The following CA12 variants were observed in gnomAD, a reference collection of about 807,000 sequenced individuals.
CA12 encodes the protein carbonic anhydrase 12, also known as carbonate dehydratase XII.
In CA12, 36 loss-of-function variants were observed where a neutral mutation model predicts 46.8. The ratio of observed to expected loss-of-function variants is 0.77; its 90% CI spans 0.59 to 1.02. The LOEUF is 1.02. CA12 is among the 50% of genes least tolerant of loss of function. The pLI is 0.00. For missense variants in CA12, 436 were observed against 451.4 expected, an observed-to-expected ratio of 0.97 and a Z score of 0.31; for synonymous variants, 202 against 187.0, an observed-to-expected ratio of 1.08 and a Z score of -0.65.
At chr15:63,361,014 G>C (rs2039355413) in intron 2 of CA12, among the ~76,000 whole-genome samples, 1 of 152,198 alleles carries the variant, frequency 6.6e-6, no homozygotes, top group Non-Finnish European at 1.5e-5. Flanking sequence ...CCTGACACTT[G>C]AGGTGGCATC....
rs980582662 is a variant in CA12, at chr15:63,378,068, G to T, written c.86-2390C>A. On this transcript the variant is annotated intron_variant, in intron 1 of 10. Transcript: ENST00000178638. The surrounding 1 kb of genome is among the most constrained non-coding windows in gnomAD (Gnocchi z 4.8). ...CCAGACCCCCTGGAGTATCCGATGA[G>T]TATTATGGACCTCTCCCAGTAAAAA... Among the ~76,000 whole-genome samples, 1 of 152,212 alleles carries T rather than the reference G, an allele frequency of 6.6e-6. No homozygotes were observed. The highest frequency in any genetic ancestry group is 6.5e-5 in the Admixed American group (1 of 15,274).
chr15:63,351,028 A>T (rs2039222661), intron 2 of CA12, among the ~76,000 whole-genome samples: 1 of 152,260 alleles, frequency 6.6e-6, no homozygotes, highest in African/African-American at 2.4e-5. Flanking sequence ...TCCAATTAGA[A>T]TTCAAATTTT....
intron 2 of CA12, among the ~76,000 whole-genome samples, chr15:63,364,643 T>C (rs918958099): frequency 1.1e-4 from 17 of 152,200 alleles, no homozygotes; most frequent in African/African-American, 4.1e-4. Context: ...TCATATGATA[T>C]CTGCTCACTG....
In CA12 at chr15:63,334,294, C is replaced by T. The variant is rs944878538; in HGVS notation, c.874+4525G>A. On this transcript the variant is annotated intron_variant, in intron 8 of 10. Coordinates refer to ENST00000178638, the MANE Select transcript of CA12 (RefSeq NM_001218.5). ...TTTTTCAGATGGAGTATCACTCTGT[C>T]GCCCAGGCTGGAGTGCACTGGTGCA... 4.2e-5 allele frequency among the ~76,000 whole-genome samples: 5 copies of T among 118,402 alleles called. 1 individual carries two copies. The East Asian group carries it at 9.2e-4, about 22-fold the overall frequency. The allele number at this position is 118,402 out of a possible 152,430, so 77.7% of individuals were successfully genotyped here.
In CA12 at chr15:63,322,256, G is replaced by A. The variant is rs887864572; in HGVS notation, c.*4029C>T. On this transcript the variant is annotated 3_prime_UTR_variant, in exon 11 of 11. Coordinates refer to ENST00000178638, the MANE Select transcript of CA12 (RefSeq NM_001218.5). This position sits in a 1 kb window ranked among gnomAD's most constrained non-coding sequence, Gnocchi z 4.1. Reference sequence around the variant, plus strand: ...ACAAGGAAAATCTAGCATCTGAATCGAGTGTGCTGTCAGTGTAAAACACAC... The same window carrying A: ...ACAAGGAAAATCTAGCATCTGAATCAAGTGTGCTGTCAGTGTAAAACACAC... 1.3e-5 allele frequency: 2 copies of A among 151,968 alleles called. No individual in the cohort carries two copies. The highest frequency in any genetic ancestry group is 4.8e-5 in the African/African-American group (2 of 41,360). The allele number at this position is 151,968 out of a possible 1,614,324, so 9.4% of individuals were successfully genotyped here.
intron 10 of CA12, 37 bp from the exon 11 acceptor site, chr15:63,326,394 G>C: frequency 6.5e-7 from 1 of 1,544,900 alleles, no homozygotes; most frequent in Non-Finnish European, 8.9e-7. Flanking sequence ...TGTTAGAGAG[G>C]AGAGCGAGCG....
At position 63,381,828 on chromosome 15, in the gene CA12, G is replaced by A; in HGVS notation, c.-108C>T. The A allele has an allele frequency of 3.0e-6, 2 of 668,848 alleles. No homozygotes were observed. The highest frequency in any genetic ancestry group is 2.7e-5 in the South Asian group (1 of 36,912). The allele number at this position is 668,848 out of a possible 1,614,324, so 41.4% of individuals were successfully genotyped here. ...GCGTGCGCGCAGCCTGGGTGCCGTG[G>A]CGAGTACGTCCGCCCTTCGCTCTCC... is the stretch of plus-strand genomic sequence containing the variant. On this transcript the variant is annotated 5_prime_UTR_variant, in exon 1 of 11. Transcript: ENST00000178638.
intron 2 of CA12, 28 bp downstream of exon 2, chr15:63,375,630 C>CA: frequency 7.0e-7 from 1 of 1,437,916 alleles, no homozygotes; most frequent in South Asian, 1.2e-5. Flanking sequence ...TTCTTTTCAA[C>CA]AAAAAAGTAT....
chr15:63,351,698 A>G (rs1374666871), intron 2 of CA12, among the ~76,000 whole-genome samples: 1 of 152,154 alleles, frequency 6.6e-6, no homozygotes, highest in Non-Finnish European at 1.5e-5. Context: ...AGTCCAGCTC[A>G]GGTCCTGCCA....
In CA12 at chr15:63,322,926, G is replaced by C. The variant is rs931509041; in HGVS notation, c.*3359C>G. 1 of 152,238 alleles carries C rather than the reference G, an allele frequency of 6.6e-6. No individual in the cohort carries two copies. The highest frequency in any genetic ancestry group is 6.5e-5 in the Admixed American group (1 of 15,290). The allele number at this position is 152,238 out of a possible 1,614,324, so 9.4% of individuals were successfully genotyped here. ...CTCTCTCAGGCTTAGGGTGATTATAGTGAAAATTGGATGCTTTTCTAAATA... is the reference window on the plus strand; with the variant it reads ...CTCTCTCAGGCTTAGGGTGATTATACTGAAAATTGGATGCTTTTCTAAATA... On this transcript the variant is annotated 3_prime_UTR_variant, in exon 11 of 11. Coordinates refer to ENST00000178638, the MANE Select transcript of CA12 (RefSeq NM_001218.5). This position sits in a 1 kb window ranked among gnomAD's most constrained non-coding sequence, Gnocchi z 4.1.
At chr15:63,343,927 A>T (rs771498170) in intron 4 of CA12, among the ~76,000 whole-genome samples, 2 of 152,012 alleles carry the variant, frequency 1.3e-5, no homozygotes, top group Non-Finnish European at 2.9e-5. Flanking sequence ...AAAGCAACAC[A>T]CCTCACATTT....
At chr15:63,362,819 A>C (rs868594600) in intron 2 of CA12, among the ~76,000 whole-genome samples, 1 of 152,172 alleles carries the variant, frequency 6.6e-6, no homozygotes, top group Non-Finnish European at 1.5e-5. Context: ...TTGCTTTTTC[A>C]TAGTTCTTCT....
intron 2 of CA12, among the ~76,000 whole-genome samples, chr15:63,368,414 C>T (rs1400169202): frequency 1.3e-5 from 2 of 152,196 alleles, no homozygotes; most frequent in Admixed American, 1.3e-4. Context: ...GGCCCCTGCT[C>T]CTTCTAAGAC....
rs950059171 is a variant in CA12 at position 63,328,971 on chromosome 15, G to T, written c.875-841C>A. Among the ~76,000 whole-genome samples, 1 of 152,256 alleles carries T rather than the reference G, an allele frequency of 6.6e-6. No individual in the cohort carries two copies. Among genetic ancestry groups the T allele is most frequent in the Non-Finnish European group, 1.5e-5 (1 of 68,050 alleles). On this transcript the variant is annotated intron_variant, in intron 8 of 10. Coordinates refer to ENST00000178638, the MANE Select transcript of CA12 (RefSeq NM_001218.5). This position sits in a 1 kb window ranked among gnomAD's most constrained non-coding sequence, Gnocchi z 5.9. ...CTGCCTCGGCCTCCCAAACTATGGGGATTACAGGTGTGAGCCACGGCGCCC... is the reference window on the plus strand; with the variant it reads ...CTGCCTCGGCCTCCCAAACTATGGGTATTACAGGTGTGAGCCACGGCGCCC...
chr15:63,350,828 T>C (rs2039219975), intron 2 of CA12, among the ~76,000 whole-genome samples: 2 of 152,112 alleles, frequency 1.3e-5, no homozygotes, highest in Non-Finnish European at 1.5e-5. Flanking sequence ...CAGTTTACAA[T>C]TCAGAAACAG....
intron 2 of CA12, among the ~76,000 whole-genome samples, chr15:63,352,830 A>G (rs2152620524): frequency 6.6e-6 from 1 of 152,338 alleles, no homozygotes; most frequent in Non-Finnish European, 1.5e-5. Context: ...AATGAAAGGC[A>G]TGTGTATCTA....
chr15:63,341,776 C>G lies in CA12; in HGVS notation c.525+226G>C, dbSNP rs1042191476. Reference sequence around the variant, plus strand: ...GGCTAGATGTTGGGGCCCGTTTTTCCAACGGACCAAAGAACATTCCCCATT... The same window carrying G: ...GGCTAGATGTTGGGGCCCGTTTTTCGAACGGACCAAAGAACATTCCCCATT... On this transcript the variant is annotated intron_variant, in intron 5 of 10. Coordinates refer to ENST00000178638, the MANE Select transcript of CA12 (RefSeq NM_001218.5). This position sits in a 1 kb window ranked among gnomAD's most constrained non-coding sequence, Gnocchi z 5.2. Among the ~76,000 whole-genome samples the G allele has an allele frequency of 6.6e-6, 1 of 152,190 alleles. No homozygotes were observed. Among genetic ancestry groups the G allele is most frequent in the African/African-American group, 2.4e-5 (1 of 41,456 alleles).
Position 63,345,497 on chromosome 15 carries a change from C to A in CA12, c.409G>T (p.Gly137Ter), listed in dbSNP as rs201238727. 8 of 1,610,012 alleles carry A rather than the reference C, an allele frequency of 5.0e-6. No individual in the cohort carries two copies. The highest frequency in any genetic ancestry group is 6.8e-6 in the Non-Finnish European group (8 of 1,179,986). ...CTTACCTCGGCGGCGAAGTGCTGTCCGCTGACGGTGTGCTCAGAGCCGTGC... is the reference window on the plus strand; with the variant it reads ...CTTACCTCGGCGGCGAAGTGCTGTCAGCTGACGGTGTGCTCAGAGCCGTGC... ...DPHGSEHTVS[G>*]QHFAAELHIV... The change falls in exon 4 of 11, where the codon GGA (glycine) becomes TGA (stop). Residue 137 changes from glycine to a stop codon, truncating the protein, a stop_gained. Transcript: ENST00000178638. LOFTEE classifies it high-confidence loss of function. The surrounding 1 kb of genome is among the most constrained non-coding windows in gnomAD (Gnocchi z 4.3).
intron 3 of CA12, 72 bp downstream of exon 3, chr15:63,346,458 T>C (rs2152618337): frequency 3.4e-5 from 38 of 1,123,746 alleles, no homozygotes; most frequent in Middle Eastern, 4.9e-4. Flanking sequence ...CCCTGCCAGA[T>C]GGAAAAGGAC....
Sources: gnomAD v4.1 joint callset for allele counts (sites outside exome capture counted in the v4.1 genomes callset) on GRCh38, gnomAD v4.1.1 for gene constraint, Gnocchi (gnomAD v3.1) non-coding constraint, MANE v1.5 for transcripts, NCBI Gene and HGNC (gene_info 2026-07-23, HGNC 2026-07-21) for gene names.